CLIC5: variants seen among roughly 807,000 people sequenced by gnomAD.
The protein encoded by CLIC5 is chloride intracellular channel protein 5.
CLIC5 carries 20 observed loss-of-function variants against 24.7 expected under a neutral mutation model. The ratio of observed to expected loss-of-function variants is 0.81; its 90% CI spans 0.57 to 1.18. CLIC5 has a LOEUF of 1.18. CLIC5 is among the 50% of genes most tolerant of loss of function. The probability of loss-of-function intolerance (pLI) is 0.00; values close to 1 mark genes in which losing one functional copy is unlikely to be tolerated. For missense variants in CLIC5, 341 were observed against 326.1 expected (o/e 1.05, Z -0.35); for synonymous variants, 159 against 135.6 (o/e 1.17, Z -1.20).
At position 45,950,479 on chromosome 6, in the gene CLIC5, A is replaced by C. The variant is rs141937214; in HGVS notation, c.174-1098T>G. ...CAGCTACTTGGAAGACTGAAGCAGG[A>C]AGATTGCTTGAGCCCAGGAGTTCGA... On this transcript the variant is annotated intron_variant, in intron 2 of 5. Transcript: ENST00000339561. 2.9e-3 allele frequency among the ~76,000 whole-genome samples: 447 copies of C among 152,124 alleles called. 1 individual carries two copies. The highest frequency in any genetic ancestry group is 0.01 in the African/African-American group (428 of 41,502).
chr6:45,977,283 T>C (rs1765416240), intron 1 of CLIC5, among the ~76,000 whole-genome samples: 1 of 152,150 alleles, frequency 6.6e-6, no homozygotes, highest in Non-Finnish European at 1.5e-5. Flanking sequence ...TTTATCAAAT[T>C]CCAGTGCAAG....
At chr6:45,925,283 G>C (rs1342033262) in intron 4 of CLIC5, among the ~76,000 whole-genome samples, 1 of 151,164 alleles carries the variant, frequency 6.6e-6, no homozygotes, top group Admixed American at 6.6e-5. Context: ...AATATACATA[G>C]GTATTGCCAA....
chr6:46,088,274 A>G, the CLIC5 span, among the ~76,000 whole-genome samples: 1 of 151,982 alleles, frequency 6.6e-6, no homozygotes, highest in African/African-American at 2.4e-5. Context: ...AAGATAAAGA[A>G]AGTACTTAAG....
intron 1 of CLIC5, among the ~76,000 whole-genome samples, chr6:46,055,167 A>T (rs531856101): frequency 2.0e-5 from 3 of 152,288 alleles, no homozygotes; most frequent in African/African-American, 7.2e-5. Context: ...CAGTGGCGCC[A>T]TCTCAGCTCA....
intron 1 of CLIC5, among the ~76,000 whole-genome samples, chr6:45,985,014 CA>C (rs1313089307): frequency 6.6e-6 from 1 of 152,144 alleles, no homozygotes; most frequent in African/African-American, 2.4e-5. Flanking sequence ...GGGATCTGAG[CA>C]GTGAAAAAGT....
chr6:46,070,320 A>T (rs1446239132), intron 1 of CLIC5, among the ~76,000 whole-genome samples: 1 of 152,170 alleles, frequency 6.6e-6, no homozygotes, highest in Non-Finnish European at 1.5e-5. Context: ...ATATCTAGAA[A>T]ACCCCATAGT....
intron 1 of CLIC5, among the ~76,000 whole-genome samples, chr6:46,012,405 T>C (rs1181720599): frequency 6.6e-6 from 1 of 152,172 alleles, no homozygotes; most frequent in East Asian, 1.9e-4. Flanking sequence ...TTTCTTATTG[T>C]AGAAACTAAA....
chr6:46,084,787 G>A (rs62503449), upstream of CLIC5, among the ~76,000 whole-genome samples: 1 of 152,096 alleles, frequency 6.6e-6, no homozygotes, highest in East Asian at 1.9e-4. Context: ...TCTTTGTGAC[G>A]TTCTCTGTAT....
chr6:45,977,588 C>G (rs892200114), intron 1 of CLIC5, among the ~76,000 whole-genome samples: 3 of 152,034 alleles, frequency 2.0e-5, no homozygotes, highest in African/African-American at 4.8e-5. Flanking sequence ...TCTCAGGGAC[C>G]CTTTCTTTTT....
chr6:45,906,512 T>C (rs1202441827), intron 5 of CLIC5, among the ~76,000 whole-genome samples: 3 of 152,156 alleles, frequency 2.0e-5, no homozygotes, highest in Admixed American at 6.5e-5. Context: ...GATTTGGCTC[T>C]CAACTTTAAT....
At chr6:46,093,295 C>T in the CLIC5 span, among the ~76,000 whole-genome samples, 1 of 152,168 alleles carries the variant, frequency 6.6e-6, no homozygotes, top group Non-Finnish European at 1.5e-5. Flanking sequence ...ATCTTATTTA[C>T]CTTTATATCT....
At chr6:46,053,596 G>T (rs774117613) in intron 1 of CLIC5, among the ~76,000 whole-genome samples, 1 of 152,110 alleles carries the variant, frequency 6.6e-6, no homozygotes, top group Non-Finnish European at 1.5e-5. Flanking sequence ...TACTTTAATC[G>T]TTGAGGTCGG....
intron 1 of CLIC5, among the ~76,000 whole-genome samples, chr6:46,032,192 T>A (rs892229934): frequency 6.6e-6 from 1 of 152,070 alleles, no homozygotes; most frequent in African/African-American, 2.4e-5. Context: ...ATGGCTTACA[T>A]GGCTATAGCA....
the CLIC5 span, among the ~76,000 whole-genome samples, chr6:46,128,449 A>G: frequency 6.6e-6 from 1 of 152,220 alleles, no homozygotes; most frequent in Non-Finnish European, 1.5e-5. Flanking sequence ...ATGTTATGTC[A>G]TTGGACATTA....
intron 1 of CLIC5, among the ~76,000 whole-genome samples, chr6:46,070,043 C>T (rs573649060): frequency 1.3e-5 from 2 of 152,224 alleles, no homozygotes; most frequent in Admixed American, 6.5e-5. Flanking sequence ...TAAAAGCTCT[C>T]AATAAACTAG....
At chr6:46,096,880 T>C in the CLIC5 span, among the ~76,000 whole-genome samples, 10 of 152,222 alleles carry the variant, frequency 6.6e-5, no homozygotes, top group African/African-American at 2.4e-4. Flanking sequence ...AACAAATCTA[T>C]AGTTTGTTAA....
At chr6:45,916,467 C>T (rs1441574738) in intron 4 of CLIC5, among the ~76,000 whole-genome samples, 1 of 152,126 alleles carries the variant, frequency 6.6e-6, no homozygotes, top group African/African-American at 2.4e-5. Flanking sequence ...CTGGAGATTA[C>T]AGCAAAATCT....
At chr6:46,042,231 A>T (rs1767827220) in intron 1 of CLIC5, among the ~76,000 whole-genome samples, 1 of 152,220 alleles carries the variant, frequency 6.6e-6, no homozygotes, top group African/African-American at 2.4e-5. Context: ...TATTCTGAAC[A>T]GTTTCTTAAC....
At chr6:45,998,507 A>T (rs763488177) in intron 1 of CLIC5, among the ~76,000 whole-genome samples, 1 of 152,194 alleles carries the variant, frequency 6.6e-6, no homozygotes, top group Non-Finnish European at 1.5e-5. Context: ...CGCAACCACA[A>T]AAACCTTTCT....
Sources: gnomAD v4.1 joint callset for allele counts (sites outside exome capture counted in the v4.1 genomes callset) on GRCh38, gnomAD v4.1.1 for gene constraint, MANE v1.5 for transcripts, NCBI Gene and HGNC (gene_info 2026-07-23, HGNC 2026-07-21) for gene names.